USP24: variants seen among roughly 807,000 people sequenced by gnomAD.
USP24 encodes the protein ubiquitin carboxyl-terminal hydrolase 24.
Under a neutral mutation model 361.6 loss-of-function variants are expected in USP24, and 97 were observed. The observed-to-expected ratio is 0.27, with a 90% CI of 0.23 to 0.32. USP24 has a LOEUF of 0.32. USP24 is among the 10% of genes least tolerant of loss of function. USP24 has a pLI of 1.00. For synonymous variants in USP24, 1,098 were observed against 1,124.6 expected, an observed-to-expected ratio of 0.98 and a Z score of 0.47; for missense variants, 2,353 against 3,165.6, an observed-to-expected ratio of 0.74 and a Z score of 6.16.
intron 38 of USP24, among the ~76,000 whole-genome samples, chr1:55,116,819 G>A (rs1646129318): frequency 6.6e-6 from 1 of 152,128 alleles, no homozygotes; most frequent in Non-Finnish European, 1.5e-5. Context: ...AAAAACTGAA[G>A]AGGAGGTAAT....
intron 1 of USP24, among the ~76,000 whole-genome samples, chr1:55,203,645 T>C (rs1228747355): frequency 1.3e-5 from 2 of 152,218 alleles, no homozygotes; most frequent in African/African-American, 4.8e-5. Flanking sequence ...ACTGCATCAT[T>C]TCTAATCTTT....
At chr1:55,091,922 T>G in intron 54 of USP24, 101 bp downstream of exon 54, 1 of 861,556 alleles carries the variant, frequency 1.2e-6, no homozygotes, top group East Asian at 2.7e-5. Flanking sequence ...TGAATAAAAT[T>G]AGGTAGCTGC....
Position 55,103,977 on chromosome 1 carries a change from C to T in USP24, c.4924G>A (p.Val1642Met). ...NSRLAAYEVL[V>M]MLADSSPSNL... Reference sequence around the variant, plus strand: ...GAAGGTGAACTATCAGCCAACATCACAAGGACTTCATAGGCTGCCAATCGG... The same window carrying T: ...GAAGGTGAACTATCAGCCAACATCATAAGGACTTCATAGGCTGCCAATCGG... The change falls in exon 42 of 68, where the codon GTG becomes ATG. Residue 1642 changes from valine to methionine, a missense_variant. Coordinates refer to ENST00000294383, the MANE Select transcript of USP24 (RefSeq NM_015306.3). 4.3e-6 allele frequency: 7 copies of T among 1,611,242 alleles called. No individual in the cohort carries two copies. The highest frequency in any genetic ancestry group is 5.9e-6 in the Non-Finnish European group (7 of 1,178,650).
chr1:55,136,021 A>G (rs1646724784), intron 28 of USP24, among the ~76,000 whole-genome samples: 1 of 152,194 alleles, frequency 6.6e-6, no homozygotes, highest in African/African-American at 2.4e-5. Context: ...ATCTGCTCTC[A>G]TGGAGCTTAC....
Position 55,154,271 on chromosome 1 carries a change from C to T in USP24, c.1660G>A (p.Val554Ile), listed in dbSNP as rs375612644. Residue 554 changes from valine (V) to isoleucine (I), a missense_variant, in exon 15 of 68, where the codon GTA (valine) becomes ATA (isoleucine). Physicochemically the swap from Val to Ile is conservative, Grantham distance 29 (BLOSUM62 3). Transcript: ENST00000294383. Reference sequence around the variant, plus strand: ...GGAAGGTGAGCCAGTTCCCAGAGTACGTCTAAAACCTACAATAATATTACA... The same window carrying T: ...GGAAGGTGAGCCAGTTCCCAGAGTATGTCTAAAACCTACAATAATATTACA... ...FETTSGKVLD[V>I]LWELAHLPTL... 1.4e-5 allele frequency: 23 copies of T among 1,610,132 alleles called. No individual in the cohort carries two copies. Among genetic ancestry groups the T allele is most frequent in the South Asian group, 2.2e-5 (2 of 90,658 alleles).
In USP24 at chr1:55,100,756, A is replaced by C. The variant is rs1013870415; in HGVS notation, c.5271+83T>G. 8 of 1,384,136 alleles carry C rather than the reference A, an allele frequency of 5.8e-6. No individual in the cohort carries two copies. The African/African-American group carries it at 1.2e-4, about 20-fold the overall frequency. The allele number at this position is 1,384,136 out of a possible 1,614,324, so 85.7% of individuals were successfully genotyped here. ...CAAGAGATTAGTCTAAAGTTAATAA[A>C]AACAAAAAACCATTACCATTAGAGA... On this transcript the variant is annotated intron_variant, in intron 44 of 67. Transcript: ENST00000294383.
At chr1:55,144,283 GAACT>G in intron 20 of USP24, 80 bp from the exon 21 acceptor site, 2 of 920,872 alleles carry the variant, frequency 2.2e-6, no homozygotes, top group Non-Finnish European at 3.1e-6. Context: ...AGTGGATCAA[GAACT>G]AAAACCATAA....
chr1:55,079,391 T>C, intron 60 of USP24, 147 bp downstream of exon 60: 1 of 1,158,000 alleles, frequency 8.6e-7, no homozygotes, highest in African/African-American at 1.6e-5. Flanking sequence ...TCTCTTCCAC[T>C]AATTATTTCT....
intron 31 of USP24, among the ~76,000 whole-genome samples, chr1:55,131,784 T>A (rs924201290): frequency 1.3e-5 from 2 of 152,214 alleles, no homozygotes; most frequent in African/African-American, 4.8e-5. Flanking sequence ...ATATAATAAT[T>A]AAGACTGCTT....
At chr1:55,106,345 C>A in intron 40 of USP24, 82 bp from the exon 41 acceptor site, 1 of 1,123,094 alleles carries the variant, frequency 8.9e-7, no homozygotes, top group Non-Finnish European at 1.3e-6. Flanking sequence ...CTTATCAGAG[C>A]AGCAAAGGTA....
chr1:55,135,317 T>C lies in USP24; in HGVS notation c.3202-904A>G, dbSNP rs117816871. Among the ~76,000 whole-genome samples, 61 of 152,190 alleles carry C rather than the reference T, an allele frequency of 4.0e-4. No homozygotes were observed. The East Asian group carries it at 7.4e-3, about 18-fold the overall frequency. ...ACAGTTAACTCTGACAACCCCACAA[T>C]ACCAACACAGGCTGAGTATCCCTAA... is the stretch of plus-strand genomic sequence containing the variant. On this transcript the variant is annotated intron_variant, in intron 28 of 67. Transcript: ENST00000294383.
At chr1:55,144,277 G>A in intron 20 of USP24, 74 bp from the exon 21 acceptor site, 2 of 975,384 alleles carry the variant, frequency 2.1e-6, no homozygotes, top group South Asian at 4.1e-5. Context: ...ACTCAAAGTG[G>A]ATCAAGAACT....
chr1:55,153,978 CG>C, intron 15 of USP24, 61 bp from the exon 16 acceptor site: 2 of 1,538,976 alleles, frequency 1.3e-6, no homozygotes, highest in Non-Finnish European at 1.8e-6. Flanking sequence ...TATAATTTCC[CG>C]ATCTTGGACT....
intron 1 of USP24, among the ~76,000 whole-genome samples, chr1:55,178,676 A>AAAATAAATAAAT (rs71580807): frequency 7.9e-6 from 1 of 126,986 alleles, no homozygotes; most frequent in Admixed American, 8.2e-5. Flanking sequence ...ACTCCGTCTC[A>AAAATAAATAAAT]AAATAAATAA....
chr1:55,151,088 G>A (rs1283753081), intron 16 of USP24, among the ~76,000 whole-genome samples: 1 of 152,172 alleles, frequency 6.6e-6, no homozygotes, highest in East Asian at 1.9e-4. Flanking sequence ...TCATATAAAA[G>A]TTCATTGATA....
intron 58 of USP24, among the ~76,000 whole-genome samples, chr1:55,082,850 A>G (rs1645178111): frequency 6.6e-6 from 1 of 152,200 alleles, no homozygotes; most frequent in Non-Finnish European, 1.5e-5. Context: ...CATTTGAACA[A>G]GAGTATTATA....
At chr1:55,199,726 T>G (rs1644519671) in intron 1 of USP24, among the ~76,000 whole-genome samples, 1 of 152,124 alleles carries the variant, frequency 6.6e-6, no homozygotes, top group Non-Finnish European at 1.5e-5. Context: ...ACTGTATTGT[T>G]CTTTTGATTT....
In USP24 at chr1:55,159,600, A is replaced by G. The variant is rs1648055232; in HGVS notation, c.1068+11T>C. 6.4e-7 allele frequency: 1 copy of G among 1,555,326 alleles called. No homozygotes were observed. Among genetic ancestry groups the G allele is most frequent in the Admixed American group, 1.9e-5 (1 of 51,572 alleles). ...GGCACTGGGGCCTATCTGGCTGGAGAAGGCATTTACCTTGTCTTTGAGGTC... is the reference window on the plus strand; with the variant it reads ...GGCACTGGGGCCTATCTGGCTGGAGGAGGCATTTACCTTGTCTTTGAGGTC... On this transcript the variant is annotated intron_variant, in intron 9 of 67. Transcript: ENST00000294383.
chr1:55,164,404 G>A (rs1488377818), intron 7 of USP24, among the ~76,000 whole-genome samples: 2 of 151,984 alleles, frequency 1.3e-5, no homozygotes, highest in Non-Finnish European at 1.5e-5. Context: ...GTGGGCTTGT[G>A]AGTGATATTT....
Sources: allele counts gnomAD v4.1 joint callset (sites outside exome capture counted in the v4.1 genomes callset), GRCh38; gene constraint gnomAD v4.1.1; transcripts MANE v1.5; gene names NCBI Gene and HGNC (gene_info 2026-07-23, HGNC 2026-07-21).